Variants in DCHS2 observed in about 807,000 individuals in gnomAD.
DCHS2 encodes dachsous cadherin-related 2.
Under a neutral mutation model 182.4 loss-of-function variants are expected in DCHS2, and 142 were observed. The ratio of observed to expected loss-of-function variants is 0.78; its 90% confidence interval spans 0.68 to 0.89. The LOEUF (loss-of-function observed/expected upper bound fraction) is 0.89. DCHS2 is among the 40% of genes least tolerant of loss of function. The pLI, the probability that DCHS2 is intolerant of heterozygous loss-of-function variation, is 0.00. For synonymous variants in DCHS2, 1,740 were observed against 1,663.3 expected, an observed-to-expected ratio of 1.05 and a Z score of -1.12; for missense variants, 4,319 against 4,198.6, an observed-to-expected ratio of 1.03 and a Z score of -0.79.
Position 154,298,332 on chromosome 4 carries a change from G to A in DCHS2, c.5982C>T (p.Thr1994=). The stretch of plus-strand genomic sequence containing the variant: ...GCTGAGATCTGGCTTCACGGTCGAG[G>A]GTGTTGCTGGTTTTCAATGTGCCTG... ...PMSGTLKTSN[T]LDREARSQHT... is the part of the protein sequence containing the mutation. The change falls in exon 13 of 20, where the codon ACC becomes ACT. Residue 1994 remains threonine (T), a synonymous_variant. Transcript: ENST00000357232. 1 of 1,614,108 alleles carries A rather than the reference G, an allele frequency of 6.2e-7. No homozygotes were observed. The highest frequency in any genetic ancestry group is 8.5e-7 in the Non-Finnish European group (1 of 1,180,008).
In DCHS2 at chr4:154,470,697, G is replaced by T. The variant is rs147045743; in HGVS notation, c.2052+18607C>A. Among the ~76,000 whole-genome samples, 139 of 152,228 alleles carry T rather than the reference G, an allele frequency of 9.1e-4. No individual in the cohort carries two copies. The Middle Eastern group carries it at 0.01, about 11-fold the overall frequency. On this transcript the variant is annotated intron_variant, in intron 1 of 19. Transcript: ENST00000357232. ...TCTCAAGAAAATTATTATTGGAAAA[G>T]TCCTAAAAGTTTAACTAATACCTGT...
At chr4:154,465,488 G>A (rs1359294209) in intron 1 of DCHS2, among the ~76,000 whole-genome samples, 4 of 152,090 alleles carry the variant, frequency 2.6e-5, no homozygotes, top group Admixed American at 1.3e-4. Flanking sequence ...GGACAACATC[G>A]TGAAACCCTG....
chr4:154,373,668 T>TCCAGGAGGGGTCCTGCTTC (rs35699649), intron 2 of DCHS2, among the ~76,000 whole-genome samples: 12 of 151,950 alleles, frequency 7.9e-5, no homozygotes, highest in Non-Finnish European at 1.6e-4. Flanking sequence ...TAAACCTACT[T>TCCAGGAGGGGTCCTGCTTC]CAGGAGGGGT....
At chr4:154,294,020 G>A (rs1158298215) in intron 13 of DCHS2, among the ~76,000 whole-genome samples, 1 of 152,042 alleles carries the variant, frequency 6.6e-6, no homozygotes. Flanking sequence ...AGAAGTAATG[G>A]TTAAATGGTA....
At chr4:154,380,233 T>C (rs1731110037) in intron 1 of DCHS2, among the ~76,000 whole-genome samples, 5 of 152,124 alleles carry the variant, frequency 3.3e-5, no homozygotes, top group Admixed American at 2.0e-4. Context: ...CTCTCATCTA[T>C]CTCATATTCT....
At chr4:154,352,683 T>C (rs535989563) in intron 3 of DCHS2, among the ~76,000 whole-genome samples, 3 of 152,294 alleles carry the variant, frequency 2.0e-5, no homozygotes, top group African/African-American at 7.2e-5. Context: ...CCATAAAATA[T>C]AAAAACACAT....
intron 1 of DCHS2, among the ~76,000 whole-genome samples, chr4:154,386,492 T>TC (rs2110834658): frequency 6.6e-6 from 1 of 151,988 alleles, no homozygotes; most frequent in South Asian, 2.1e-4. Context: ...TCTCACCTTT[T>TC]TTTTCTTAAC....
chr4:154,491,583 G>A lies in DCHS2; in HGVS notation c.-228C>T, dbSNP rs1227368547. 1.5e-6 allele frequency: 2 copies of A among 1,342,160 alleles called. No homozygotes were observed. Among genetic ancestry groups the A allele is most frequent in the Non-Finnish European group, 1.9e-6 (2 of 1,053,988 alleles). 83.1% of individuals were successfully genotyped at this position (1,342,160 alleles called of 1,614,324 possible). On this transcript the variant is annotated 5_prime_UTR_variant, in exon 1 of 20. Transcript: ENST00000357232. ...GTAAGCTCTAGCTGCCTCTGCCGCG[G>A]CAGCCACCTCTTCTGCCCCTGGATT... is the stretch of plus-strand genomic sequence containing the variant.
intron 10 of DCHS2, among the ~76,000 whole-genome samples, chr4:154,305,689 G>T (rs1735419104): frequency 1.3e-5 from 2 of 152,086 alleles, no homozygotes; most frequent in Non-Finnish European, 2.9e-5. Context: ...ACCTAGAATT[G>T]CTTATACACG....
Position 154,491,064 on chromosome 4 carries a change from C to A in DCHS2, c.292G>T (p.Gly98Trp), listed in dbSNP as rs1370415143. 1 of 1,551,140 alleles carries A rather than the reference C, an allele frequency of 6.4e-7. No homozygotes were observed. Among genetic ancestry groups the A allele is most frequent in the Non-Finnish European group, 8.7e-7 (1 of 1,146,954 alleles). ...TCCTCCGACAGAAAGAAGCCGCTCC[C>A]CTCCTGCTGCTGCGCGGCCGGCAGC... ...AGLPAAQQQE[G>W]SGFFLSEDSD... Residue 98 changes from glycine (G) to tryptophan (W), a missense_variant, in exon 1 of 20, where the codon GGG becomes TGG. Gly to Trp is a radical substitution (Grantham distance 184). Transcript: ENST00000357232.
intron 1 of DCHS2, among the ~76,000 whole-genome samples, chr4:154,456,165 T>C (rs971948144): frequency 3.9e-5 from 6 of 152,176 alleles, no homozygotes; most frequent in Non-Finnish European, 8.8e-5. Context: ...ATATAGGTTT[T>C]CTGTTTTGCC....
rs148213117 is a variant in DCHS2, at chr4:154,387,700, A to G, written c.2053-10256T>C. Among the ~76,000 whole-genome samples, 518 of 152,310 alleles carry G rather than the reference A, an allele frequency of 3.4e-3. 2 individuals carry two copies. The highest frequency in any genetic ancestry group is 0.012 in the African/African-American group (496 of 41,586). The stretch of plus-strand genomic sequence containing the variant: ...GAAAAAGTCAATAAATTGACTACAT[A>G]AAGGCTTAAACTCCATTATGTCAAA... On this transcript the variant is annotated intron_variant, in intron 1 of 19. Coordinates refer to ENST00000357232, the MANE Select transcript of DCHS2 (RefSeq NM_001358235.2).
intron 13 of DCHS2, among the ~76,000 whole-genome samples, chr4:154,294,913 G>A (rs1346102894): frequency 6.6e-6 from 1 of 152,202 alleles, no homozygotes; most frequent in Non-Finnish European, 1.5e-5. Context: ...ACTCCTAATT[G>A]TTGAGGATTA....
intron 1 of DCHS2, among the ~76,000 whole-genome samples, chr4:154,401,413 T>C (rs929444428): frequency 6.6e-6 from 1 of 152,170 alleles, no homozygotes; most frequent in African/African-American, 2.4e-5. Flanking sequence ...GGTCATAGGG[T>C]ACCCATCTAA....
chr4:154,456,593 C>G (rs1734778088), intron 1 of DCHS2, among the ~76,000 whole-genome samples: 1 of 151,964 alleles, frequency 6.6e-6, no homozygotes, highest in Non-Finnish European at 1.5e-5. Context: ...TTTTATTAAG[C>G]AAAACAGAGG....
chr4:154,270,999 T>C (rs1249971321), intron 13 of DCHS2, among the ~76,000 whole-genome samples: 2 of 152,018 alleles, frequency 1.3e-5, no homozygotes, highest in Non-Finnish European at 2.9e-5. Flanking sequence ...AGAAATTCAG[T>C]TAGGTATAGG....
At position 154,454,401 on chromosome 4, in the gene DCHS2, G is replaced by A. The variant is rs1579098365; in HGVS notation, c.2052+34903C>T. 2.6e-5 allele frequency among the ~76,000 whole-genome samples: 4 copies of A among 152,136 alleles called. No homozygotes were observed. The East Asian group carries it at 7.7e-4, about 29-fold the overall frequency. On this transcript the variant is annotated intron_variant, in intron 1 of 19. Transcript: ENST00000357232. ...TGAAACCACAGGTGTACGCCATCATGCTCAGTTAATTTTTCTATTTTTTAT... is the reference window on the plus strand; with the variant it reads ...TGAAACCACAGGTGTACGCCATCATACTCAGTTAATTTTTCTATTTTTTAT...
chr4:154,304,955 G>A, intron 11 of DCHS2, 77 bp from the exon 12 acceptor site: 1 of 1,518,414 alleles, frequency 6.6e-7, no homozygotes, highest in Non-Finnish European at 8.8e-7. Context: ...ACTAGACAAT[G>A]TCAGGCTAAC....
At chr4:154,263,945 C>G (rs2111184433) in intron 14 of DCHS2, among the ~76,000 whole-genome samples, 1 of 151,812 alleles carries the variant, frequency 6.6e-6, no homozygotes, top group Non-Finnish European at 1.5e-5. Context: ...CAAAAAACCA[C>G]CAGAAGCTTG....
Sources: allele counts gnomAD v4.1 joint callset (sites outside exome capture counted in the v4.1 genomes callset), GRCh38; gene constraint gnomAD v4.1.1; transcripts MANE v1.5; gene names NCBI Gene and HGNC (gene_info 2026-07-23, HGNC 2026-07-21).